The following SLCO6A1 variants were observed in gnomAD, a reference collection of about 807,000 sequenced individuals.
SLCO6A1 encodes the protein solute carrier organic anion transporter family member 6A1, also known as cancer/testis antigen 48.
Under a neutral mutation model 72.7 loss-of-function variants are expected in SLCO6A1, and 65 were observed. The ratio of observed to expected loss-of-function variants is 0.89; its 90% CI spans 0.73 to 1.10. The LOEUF is 1.10. Ranked by LOEUF, SLCO6A1 falls within the 50% of genes least tolerant of loss-of-function variation. The probability of loss-of-function intolerance (pLI) is 0.00; values close to 1 mark genes in which losing one functional copy is unlikely to be tolerated. For synonymous variants in SLCO6A1, 314 were observed against 298.2 expected (o/e 1.05, Z -0.55); for missense variants, 874 against 872.6 (o/e 1.00, Z -0.02).
intron 12 of SLCO6A1, among the ~76,000 whole-genome samples, chr5:102,386,713 C>A (rs1412356398): frequency 6.6e-6 from 1 of 152,146 alleles, no homozygotes; most frequent in Non-Finnish European, 1.5e-5. Flanking sequence ...TCTGTGGGTG[C>A]CAGCCTGAAG....
chr5:102,482,994 G>A (rs1033035236), intron 1 of SLCO6A1, among the ~76,000 whole-genome samples: 6 of 152,148 alleles, frequency 3.9e-5, no homozygotes, highest in African/African-American at 9.7e-5. Context: ...ACAACCAGAC[G>A]AGCTCTGGTG....
intron 12 of SLCO6A1, among the ~76,000 whole-genome samples, chr5:102,384,885 C>A (rs1746320232): frequency 6.6e-6 from 1 of 152,074 alleles, no homozygotes; most frequent in Non-Finnish European, 1.5e-5. Context: ...TTTAGCATTT[C>A]TCTCTCTTTT....
At chr5:102,434,952 A>T (rs1561458617) in intron 7 of SLCO6A1, among the ~76,000 whole-genome samples, 1 of 152,210 alleles carries the variant, frequency 6.6e-6, no homozygotes, top group Non-Finnish European at 1.5e-5. Context: ...AATTATCAGA[A>T]TTTTAGTTCA....
chr5:102,470,081 G>A (rs1751525109), intron 4 of SLCO6A1, among the ~76,000 whole-genome samples: 1 of 152,044 alleles, frequency 6.6e-6, no homozygotes, highest in South Asian at 2.1e-4. Context: ...GAGGATTTTC[G>A]CATCGATGTT....
At chr5:102,414,891 A>T (rs1748188816) in intron 8 of SLCO6A1, among the ~76,000 whole-genome samples, 1 of 148,940 alleles carries the variant, frequency 6.7e-6, no homozygotes, top group Non-Finnish European at 1.5e-5. Flanking sequence ...GTGAAACTCC[A>T]TCTCAAAGTA....
intron 12 of SLCO6A1, among the ~76,000 whole-genome samples, chr5:102,386,939 G>A (rs1746450769): frequency 6.6e-6 from 1 of 152,144 alleles, no homozygotes; most frequent in African/African-American, 2.4e-5. Flanking sequence ...TTGGGGAAGG[G>A]TGATGCAGGT....
At chr5:102,444,651 A>C (rs1271428622) in intron 6 of SLCO6A1, among the ~76,000 whole-genome samples, 2 of 152,182 alleles carry the variant, frequency 1.3e-5, no homozygotes, top group Non-Finnish European at 2.9e-5. Context: ...TTTTATTTTC[A>C]GAAAAAACAG....
At chr5:102,458,584 A>G (rs1001084105) in intron 5 of SLCO6A1, 93 bp from the exon 6 acceptor site, 23 of 762,842 alleles carry the variant, frequency 3.0e-5, no homozygotes, top group South Asian at 5.6e-5. Flanking sequence ...AATTCAATTA[A>G]TCCTGAAATG....
chr5:102,488,894 G>A (rs76509581), intron 1 of SLCO6A1, among the ~76,000 whole-genome samples: 1,986 of 152,282 alleles, frequency 0.013, 46 homozygotes, highest in African/African-American at 0.045. Context: ...GCTAGAAAAT[G>A]AGGATTTAAG....
At chr5:102,495,368 C>A (rs987049457) in intron 1 of SLCO6A1, among the ~76,000 whole-genome samples, 4 of 152,092 alleles carry the variant, frequency 2.6e-5, no homozygotes, top group Non-Finnish European at 5.9e-5. Flanking sequence ...CCGCGGTGGG[C>A]GGATCACCAG....
At chr5:102,399,869 A>G (rs2112550102) in intron 9 of SLCO6A1, 127 bp from the exon 10 acceptor site, 1 of 590,996 alleles carries the variant, frequency 1.7e-6, no homozygotes, top group East Asian at 2.9e-5. Flanking sequence ...AAATGTCTTT[A>G]TATTAAGCCT....
At chr5:102,382,640 T>A (rs1233031044) in intron 12 of SLCO6A1, among the ~76,000 whole-genome samples, 1 of 151,594 alleles carries the variant, frequency 6.6e-6, no homozygotes. Flanking sequence ...CATCTATTAG[T>A]GTCTCCTCTT....
At chr5:102,384,829 T>C (rs1746317085) in intron 12 of SLCO6A1, among the ~76,000 whole-genome samples, 1 of 152,144 alleles carries the variant, frequency 6.6e-6, no homozygotes, top group South Asian at 2.1e-4. Context: ...TCATATGTTT[T>C]CATGTGGTTA....
chr5:102,456,310 C>G (rs1750710634), intron 6 of SLCO6A1, among the ~76,000 whole-genome samples: 1 of 152,114 alleles, frequency 6.6e-6, no homozygotes, highest in East Asian at 1.9e-4. Flanking sequence ...AAGAGGAAGT[C>G]AAATTGTCCC....
intron 1 of SLCO6A1, among the ~76,000 whole-genome samples, chr5:102,482,514 C>T (rs1416483661): frequency 6.6e-6 from 1 of 152,130 alleles, no homozygotes; most frequent in Admixed American, 6.5e-5. Context: ...TATAGGACAG[C>T]ACTACAAACT....
rs114549170 is a variant in SLCO6A1 at position 102,487,558 on chromosome 5, G to C, written c.359-7124C>G. On this transcript the variant is annotated intron_variant, in intron 1 of 13. Transcript: ENST00000506729. The stretch of plus-strand genomic sequence containing the variant: ...ACTTTAAGTAAAGCTAATCTATTAT[G>C]TCTAATGCTTCCCACTGACCCTACC... Among the ~76,000 whole-genome samples, 475 of 152,216 alleles carry C rather than the reference G, an allele frequency of 3.1e-3. 2 individuals are homozygous for C. The highest frequency in any genetic ancestry group is 0.011 in the African/African-American group (446 of 41,528).
intron 6 of SLCO6A1, among the ~76,000 whole-genome samples, chr5:102,444,693 A>G (rs1429868196): frequency 1.3e-5 from 2 of 152,210 alleles, no homozygotes; most frequent in Non-Finnish European, 1.5e-5. Context: ...GAGATGATTC[A>G]GAGACTAAAA....
chr5:102,468,410 T>C (rs1369535748), intron 4 of SLCO6A1, among the ~76,000 whole-genome samples: 1 of 152,102 alleles, frequency 6.6e-6, no homozygotes. Context: ...TGATGACCTA[T>C]CTAGTGCTGT....
intron 1 of SLCO6A1, among the ~76,000 whole-genome samples, chr5:102,482,425 T>G (rs1752241229): frequency 6.6e-6 from 1 of 152,140 alleles, no homozygotes; most frequent in Non-Finnish European, 1.5e-5. Flanking sequence ...GCTTCCTTCT[T>G]CTACTATTCA....
Sources: allele counts gnomAD v4.1 joint callset (sites outside exome capture counted in the v4.1 genomes callset), GRCh38; gene constraint gnomAD v4.1.1; transcripts MANE v1.5; gene names NCBI Gene and HGNC (gene_info 2026-07-23, HGNC 2026-07-21).